CATSPERB: variants seen among roughly 807,000 people sequenced by gnomAD.
The protein encoded by CATSPERB is cation channel sperm-associated auxiliary subunit beta.
A neutral mutation model predicts 128.3 loss-of-function variants in CATSPERB; 93 were observed. The observed-to-expected ratio is 0.72, with a 90% CI of 0.61 to 0.86. The LOEUF (loss-of-function observed/expected upper bound fraction) is 0.86, where lower values mean the gene tolerates loss of function less well. Ranked by LOEUF, CATSPERB falls within the 40% of genes least tolerant of loss-of-function variation. CATSPERB has a pLI of 0.00. For synonymous variants in CATSPERB, 381 were observed against 448.8 expected, an observed-to-expected ratio of 0.85 and a Z score of 1.91; for missense variants, 1,153 against 1,329.5, an observed-to-expected ratio of 0.87 and a Z score of 2.06.
At chr14:91,654,640 G>T (rs1487678651) in intron 15 of CATSPERB, among the ~76,000 whole-genome samples, 1 of 152,216 alleles carries the variant, frequency 6.6e-6, no homozygotes, top group Non-Finnish European at 1.5e-5. Flanking sequence ...TTGGCTTCCA[G>T]ATGGCATCTC....
chr14:91,728,338 C>T (rs1896154175), intron 2 of CATSPERB, among the ~76,000 whole-genome samples: 1 of 152,132 alleles, frequency 6.6e-6, no homozygotes, highest in East Asian at 1.9e-4. Context: ...TGGTCTCCAA[C>T]TCCTGGGCTC....
chr14:91,724,564 A>G (rs1419928636), intron 3 of CATSPERB, among the ~76,000 whole-genome samples: 3 of 152,038 alleles, frequency 2.0e-5, no homozygotes, highest in Non-Finnish European at 4.4e-5. Flanking sequence ...TTTTTTATTA[A>G]TGTATATTTT....
chr14:91,644,404 T>A (rs1894554604), intron 15 of CATSPERB, among the ~76,000 whole-genome samples: 1 of 150,090 alleles, frequency 6.7e-6, no homozygotes, highest in Admixed American at 6.6e-5. Flanking sequence ...AGGGCAGGCC[T>A]GGTGATGACA....
intron 17 of CATSPERB, among the ~76,000 whole-genome samples, chr14:91,634,828 C>G (rs1894343481): frequency 7.2e-6 from 1 of 138,638 alleles, no homozygotes; most frequent in Non-Finnish European, 1.6e-5. Flanking sequence ...TATACAGATT[C>G]CAACCTGGTA....
intron 17 of CATSPERB, among the ~76,000 whole-genome samples, chr14:91,626,688 C>G (rs1269303505): frequency 1.3e-5 from 2 of 152,144 alleles, no homozygotes; most frequent in African/African-American, 4.8e-5. Context: ...GCATGAGGCC[C>G]TCACCAGATG....
intron 5 of CATSPERB, among the ~76,000 whole-genome samples, chr14:91,712,938 C>T (rs1204109869): frequency 1.3e-5 from 2 of 152,130 alleles, no homozygotes; most frequent in Non-Finnish European, 2.9e-5. Context: ...CAGACAGTGG[C>T]CCTGGCCAGG....
intron 6 of CATSPERB, among the ~76,000 whole-genome samples, chr14:91,706,577 G>C (rs900514440): frequency 6.6e-6 from 1 of 152,184 alleles, no homozygotes; most frequent in Non-Finnish European, 1.5e-5. Context: ...GAGTAGCGTG[G>C]AGGAGATGGA....
At chr14:91,608,908 A>G (rs1893767364) in intron 21 of CATSPERB, among the ~76,000 whole-genome samples, 1 of 152,206 alleles carries the variant, frequency 6.6e-6, no homozygotes, top group African/African-American at 2.4e-5. Flanking sequence ...AAAAATTCAC[A>G]TATAACTTTT....
At chr14:91,654,435 T>G (rs1026920079) in intron 15 of CATSPERB, among the ~76,000 whole-genome samples, 4 of 152,188 alleles carry the variant, frequency 2.6e-5, no homozygotes, top group African/African-American at 4.8e-5. Flanking sequence ...TGAAGAGCCC[T>G]TGGACCTTGA....
chr14:91,698,232 T>C (rs781363378), intron 7 of CATSPERB, among the ~76,000 whole-genome samples: 2 of 152,190 alleles, frequency 1.3e-5, no homozygotes, highest in African/African-American at 4.8e-5. Context: ...GATTTTTGTA[T>C]CTTGAAACTT....
Position 91,673,032 on chromosome 14 carries a change from G to A in CATSPERB, c.979-16C>T. 1.3e-6 allele frequency: 2 copies of A among 1,558,774 alleles called. No individual in the cohort carries two copies. The highest frequency in any genetic ancestry group is 1.2e-5 in the South Asian group (1 of 81,542). On this transcript the variant is annotated splice_polypyrimidine_tract_variant and intron_variant, in intron 12 of 26. Transcript: ENST00000256343. Reference sequence around the variant, plus strand: ...AAGAGCTTGACTATAAAAAAAAGAAGGGAAAAATTAATGCTGTTTTTGAAA... The same window carrying A: ...AAGAGCTTGACTATAAAAAAAAGAAAGGAAAAATTAATGCTGTTTTTGAAA...
intron 5 of CATSPERB, among the ~76,000 whole-genome samples, chr14:91,716,715 A>ACG (rs146256317): frequency 0.022 from 2,502 of 113,882 alleles, 82 homozygotes; most frequent in African/African-American, 0.1. Flanking sequence ...ACAAGCATAC[A>ACG]CACACACACA....
chr14:91,731,539 T>C (rs1334505407), intron 1 of CATSPERB, among the ~76,000 whole-genome samples: 1 of 152,204 alleles, frequency 6.6e-6, no homozygotes, highest in African/African-American at 2.4e-5. Flanking sequence ...TTGTGAGAAT[T>C]AAATGAAAAA....
At chr14:91,716,923 AATTTATG>A (rs889600620) in intron 5 of CATSPERB, among the ~76,000 whole-genome samples, 17 of 152,286 alleles carry the variant, frequency 1.1e-4, no homozygotes, top group Non-Finnish European at 2.4e-4. Context: ...ATGCAACAAA[AATTTATG>A]TTCACACAAA....
At chr14:91,585,022 T>G (rs1234359587) in intron 26 of CATSPERB, among the ~76,000 whole-genome samples, 4 of 151,930 alleles carry the variant, frequency 2.6e-5, no homozygotes, top group Non-Finnish European at 5.9e-5. Context: ...TATTTTTATT[T>G]TTTATTTTTT....
chr14:91,717,275 T>A (rs1895958919), intron 5 of CATSPERB, among the ~76,000 whole-genome samples: 1 of 152,194 alleles, frequency 6.6e-6, no homozygotes, highest in Non-Finnish European at 1.5e-5. Context: ...GTTCTATGTC[T>A]TGACTGCAGT....
intron 17 of CATSPERB, among the ~76,000 whole-genome samples, chr14:91,634,020 G>C (rs1376402457): frequency 6.6e-6 from 1 of 152,094 alleles, no homozygotes; most frequent in East Asian, 1.9e-4. Flanking sequence ...AGAGGTTAGG[G>C]ATGCCAACCT....
chr14:91,657,487 A>G (rs984641529), intron 15 of CATSPERB, among the ~76,000 whole-genome samples: 18 of 152,172 alleles, frequency 1.2e-4, no homozygotes, highest in Admixed American at 2.0e-4. Context: ...ATATCCCACA[A>G]ACACAGGGAA....
At chr14:91,670,612 A>G (rs1381049722) in intron 13 of CATSPERB, among the ~76,000 whole-genome samples, 1 of 152,056 alleles carries the variant, frequency 6.6e-6, no homozygotes, top group African/African-American at 2.4e-5. Context: ...GCCAGGAGTT[A>G]GAGTCTGTGG....
Sources: allele counts gnomAD v4.1 joint callset (sites outside exome capture counted in the v4.1 genomes callset), GRCh38; gene constraint gnomAD v4.1.1; transcripts MANE v1.5; gene names NCBI Gene and HGNC (gene_info 2026-07-23, HGNC 2026-07-21).